DZIP3: variants seen among roughly 807,000 people sequenced by gnomAD.
The protein encoded by DZIP3 is DAZ interacting zinc finger protein 3.
Under a neutral mutation model 162.0 loss-of-function variants are expected in DZIP3, and 118 were observed. The observed-to-expected ratio is 0.73, with a 90% CI of 0.63 to 0.85. DZIP3 has a LOEUF of 0.85. DZIP3 is among the 40% of genes least tolerant of loss of function. The pLI is 0.00. For synonymous variants in DZIP3, 438 were observed against 458.6 expected, an observed-to-expected ratio of 0.96 and a Z score of 0.57; for missense variants, 1,331 against 1,407.0, an observed-to-expected ratio of 0.95 and a Z score of 0.86.
rs149143664 is a variant in DZIP3, at chr3:108,639,413, G to A, written c.1064+1865G>A. On this transcript the variant is annotated intron_variant, in intron 12 of 32. Coordinates refer to ENST00000361582, the MANE Select transcript of DZIP3 (RefSeq NM_014648.4). Reference sequence around the variant, plus strand: ...ATATGAACTTTGAACACTTTCTTGGGTGGTGGATCCAGTCTCAGTCCAGAT... The same window carrying A: ...ATATGAACTTTGAACACTTTCTTGGATGGTGGATCCAGTCTCAGTCCAGAT... Among the ~76,000 whole-genome samples the A allele has an allele frequency of 2.0e-5, 3 of 152,328 alleles. No individual in the cohort carries two copies. The East Asian group carries it at 5.8e-4, about 29-fold the overall frequency.
chr3:108,644,390 C>G lies in DZIP3; in HGVS notation c.1368C>G (p.Asn456Lys). ...GGSWHLLYPP[N>K]KELPQSKQFD... ...CATGGCATCTGCTTTATCCTCCTAA[C>G]AAGGAGTTACCGCAATCCAAACAGT... The change falls in exon 14 of 33, where the codon AAC (asparagine) becomes AAG (lysine). Residue 456 changes from asparagine (N) to lysine (K), a missense_variant. Asn to Lys is a moderately conservative substitution (Grantham distance 94). Transcript: ENST00000361582. 6.2e-7 allele frequency: 1 copy of G among 1,614,056 alleles called. No homozygotes were observed. Among genetic ancestry groups the G allele is most frequent in the Non-Finnish European group, 8.5e-7 (1 of 1,179,956 alleles).
At chr3:108,622,862 C>G (rs1941420519) in intron 5 of DZIP3, among the ~76,000 whole-genome samples, 1 of 115,658 alleles carries the variant, frequency 8.6e-6, no homozygotes. Flanking sequence ...CTCTCTCTCT[C>G]TCTCTCTCTC....
chr3:108,688,700 A>G lies in DZIP3; in HGVS notation c.3378A>G (p.Ser1126=), dbSNP rs1944583129. 1 of 1,613,974 alleles carries G rather than the reference A, an allele frequency of 6.2e-7. No individual in the cohort carries two copies. The highest frequency in any genetic ancestry group is 1.3e-5 in the African/African-American group (1 of 74,940). Reference sequence around the variant, plus strand: ...AACCAGCCTGGAGGCCACTCACTTCACAGGGTCCTGCCACATGGGAAGGAG... The same window carrying G: ...AACCAGCCTGGAGGCCACTCACTTCGCAGGGTCCTGCCACATGGGAAGGAG... ...PPKPAWRPLT[S]QGPATWEGAS... The change falls in exon 30 of 33, where the codon TCA becomes TCG. Residue 1126 remains serine, a synonymous_variant. Transcript: ENST00000361582.
intron 15 of DZIP3, 133 bp from the exon 16 acceptor site, chr3:108,647,810 A>G (rs1942696307): frequency 1.5e-6 from 1 of 681,314 alleles, no homozygotes; most frequent in Non-Finnish European, 2.3e-6. Context: ...ATTTTCATCG[A>G]GTAATTGAAA....
At chr3:108,612,864 G>A (rs1940794895) in intron 4 of DZIP3, among the ~76,000 whole-genome samples, 1 of 152,028 alleles carries the variant, frequency 6.6e-6, no homozygotes, top group South Asian at 2.1e-4. Context: ...AGGGCAAACT[G>A]TACTTATTTA....
chr3:108,607,478 A>G (rs149353378), intron 2 of DZIP3, among the ~76,000 whole-genome samples: 40 of 152,272 alleles, frequency 2.6e-4, no homozygotes, highest in East Asian at 5.8e-4. Context: ...TTCCTATACA[A>G]TGGTTCTGTA....
chr3:108,652,292 C>A (rs1284483886), intron 18 of DZIP3, among the ~76,000 whole-genome samples: 1 of 151,730 alleles, frequency 6.6e-6, no homozygotes, highest in East Asian at 1.9e-4. Flanking sequence ...TTATGTTTTT[C>A]ACATTTGTTC....
intron 19 of DZIP3, among the ~76,000 whole-genome samples, chr3:108,661,219 A>G (rs1943412771): frequency 6.6e-6 from 1 of 152,236 alleles, no homozygotes; most frequent in Non-Finnish European, 1.5e-5. Flanking sequence ...ACAATAGCAA[A>G]GACTTGGAAC....
rs1281249011 is a variant in DZIP3, at chr3:108,634,851, T to C, written c.817-20T>C. On this transcript the variant is annotated intron_variant, in intron 9 of 32. Transcript: ENST00000361582. Reference sequence around the variant, plus strand: ...GAATCACCATGTCCTTATTGATAACTTACTTTTATTTTTTTCCAGGGATTT... The same window carrying C: ...GAATCACCATGTCCTTATTGATAACCTACTTTTATTTTTTTCCAGGGATTT... The C allele has an allele frequency of 5.9e-6, 9 of 1,534,050 alleles. No individual in the cohort carries two copies. Among genetic ancestry groups the C allele is most frequent in the Non-Finnish European group, 8.1e-6 (9 of 1,114,788 alleles).
At chr3:108,606,476 T>TA (rs1277507129) in intron 2 of DZIP3, among the ~76,000 whole-genome samples, 1 of 152,152 alleles carries the variant, frequency 6.6e-6, no homozygotes, top group African/African-American at 2.4e-5. Context: ...GGAAGATATA[T>TA]AAAAAGTAAT....
rs551904962 is a variant in DZIP3 at position 108,592,129 on chromosome 3, C to G, written c.-73+2290C>G. On this transcript the variant is annotated intron_variant, in intron 1 of 32. Transcript: ENST00000361582. ...CAGGTTTGTTTTTAGATTGATTACT[C>G]TGGTAGCTGAATGAACTATGATTTT... 1.4e-4 allele frequency among the ~76,000 whole-genome samples: 21 copies of G among 152,086 alleles called. No homozygotes were observed. The South Asian group carries it at 1.7e-3, about 12-fold the overall frequency.
intron 1 of DZIP3, among the ~76,000 whole-genome samples, chr3:108,599,576 TAA>T (rs1203793777): frequency 1.3e-5 from 2 of 152,150 alleles, no homozygotes; most frequent in South Asian, 2.1e-4. Flanking sequence ...ATACGAGAAA[TAA>T]AGACTTTCAT....
Position 108,688,890 on chromosome 3 carries a change from C to A in DZIP3, c.3482C>A (p.Ser1161Ter), listed in dbSNP as rs1256146130. 6.2e-7 allele frequency: 1 copy of A among 1,614,182 alleles called. No individual in the cohort carries two copies. Among genetic ancestry groups the A allele is most frequent in the Non-Finnish European group, 8.5e-7 (1 of 1,180,034 alleles). The change falls in exon 31 of 33, where the codon TCA becomes TAA. Residue 1161 changes from serine to a stop codon, truncating the protein, a stop_gained. Transcript: ENST00000361582. LOFTEE classifies it high-confidence loss of function. Reference protein sequence around the residue: ...CHENLSPENLSVLPCAHKFHA... With the variant: ...CHENLSPENL ...GAGAATCTGTCTCCAGAAAATCTTT[C>A]AGTTTTGCCTTGCGCTCACAAATTC...
chr3:108,654,699 T>C (rs1416084181), intron 19 of DZIP3, among the ~76,000 whole-genome samples: 1 of 152,234 alleles, frequency 6.6e-6, no homozygotes, highest in Admixed American at 6.5e-5. Context: ...AAATTAAATA[T>C]GATTGTTACC....
intron 1 of DZIP3, among the ~76,000 whole-genome samples, chr3:108,601,887 A>T (rs1049809268): frequency 1.3e-5 from 2 of 151,976 alleles, no homozygotes; most frequent in African/African-American, 2.4e-5. Context: ...CCTAGTTATT[A>T]TTTTTTTGCA....
intron 1 of DZIP3, among the ~76,000 whole-genome samples, chr3:108,591,038 A>G (rs922371245): frequency 1.3e-5 from 2 of 152,264 alleles, no homozygotes; most frequent in African/African-American, 4.8e-5. Flanking sequence ...ACTCTAGAAT[A>G]ATGTTGGTAA....
chr3:108,631,043 ACACACACACACACTCTCTCTCTCTCT>A (rs1254553568), intron 8 of DZIP3, among the ~76,000 whole-genome samples: 12 of 90,244 alleles, frequency 1.3e-4, no homozygotes, highest in Non-Finnish European at 2.6e-4. Context: ...ACACACACAC[ACACACACACACACTCTCTCTCTCTCT>A]CTCTCTCTCT....
At chr3:108,643,119 C>T (rs1165846155) in intron 13 of DZIP3, among the ~76,000 whole-genome samples, 2 of 152,034 alleles carry the variant, frequency 1.3e-5, no homozygotes, top group Non-Finnish European at 2.9e-5. Flanking sequence ...CAAGCAAAAA[C>T]GTTAATTTAA....
rs1420354707 is a variant in DZIP3 at position 108,636,687 on chromosome 3, A to G, written c.990A>G (p.Val330=). 8.2e-6 allele frequency: 13 copies of G among 1,579,132 alleles called. No individual in the cohort carries two copies. The highest frequency in any genetic ancestry group is 1.1e-5 in the Non-Finnish European group (13 of 1,169,230). ...TGGTAAGGATGCTGCAATGTGATGT[A>G]CCTGGAATTGTTAAAATTTTGGTGA... ...GDMVRMLQCD[V]PGIVKILFEV... is the part of the protein sequence containing the mutation. The change falls in exon 11 of 33, where the codon GTA becomes GTG. Residue 330 remains valine, a synonymous_variant. Coordinates refer to ENST00000361582, the MANE Select transcript of DZIP3 (RefSeq NM_014648.4).
Sources: allele counts gnomAD v4.1 joint callset (sites outside exome capture counted in the v4.1 genomes callset), GRCh38; gene constraint gnomAD v4.1.1; transcripts MANE v1.5; gene names NCBI Gene and HGNC (gene_info 2026-07-23, HGNC 2026-07-21).